The following MEAF6 variants were observed in gnomAD, a reference collection of about 807,000 sequenced individuals.
The protein encoded by MEAF6 is chromatin modification-related protein MEAF6.
Under a neutral mutation model 28.9 loss-of-function variants are expected in MEAF6, and 15 were observed. The ratio of observed to expected loss-of-function variants is 0.52; its 90% CI spans 0.35 to 0.80. MEAF6 has a LOEUF of 0.80. Ranked by LOEUF, MEAF6 falls within the 30% of genes least tolerant of loss-of-function variation. The pLI, the probability that MEAF6 is intolerant of heterozygous loss-of-function variation, is 0.01. For synonymous variants in MEAF6, 97 were observed against 88.7 expected (o/e 1.09, Z -0.53); for missense variants, 178 against 237.5 (o/e 0.75, Z 1.65).
At chr1:37,506,040 A>C (rs1441039503) in intron 4 of MEAF6, among the ~76,000 whole-genome samples, 1 of 152,250 alleles carries the variant, frequency 6.6e-6, no homozygotes, top group Non-Finnish European at 1.5e-5. Context: ...TGGGAGGCCA[A>C]GGTGGGCGGA....
rs1335516958 is a variant in MEAF6 at position 37,513,827 on chromosome 1, C to T, written c.91-289G>A. 10 of 496,518 alleles carry T rather than the reference C, an allele frequency of 2.0e-5. No individual in the cohort carries two copies. The South Asian group carries it at 2.1e-4, about 10-fold the overall frequency. 30.8% of individuals were successfully genotyped at this position (496,518 alleles called of 1,614,324 possible). Reference sequence around the variant, plus strand: ...ATTCACGGAAACCATGAGTCAAGAGCCCAGGCTAACGCAGAACTTGGGCGA... The same window carrying T: ...ATTCACGGAAACCATGAGTCAAGAGTCCAGGCTAACGCAGAACTTGGGCGA... On this transcript the variant is annotated intron_variant, in intron 1 of 6. Transcript: ENST00000296214.
chr1:37,491,008 C>G lies in MEAF6; in HGVS notation c.*3091G>C, dbSNP rs1353264712. On this transcript the variant is annotated 3_prime_UTR_variant, in exon 7 of 7. Transcript: ENST00000296214. ...TGCCACTGCACTCCAGCCTGGACGACAGAGCAAGACTCTGTCTCAAAAAAA... is the reference window on the plus strand; with the variant it reads ...TGCCACTGCACTCCAGCCTGGACGAGAGAGCAAGACTCTGTCTCAAAAAAA... Among the ~76,000 whole-genome samples the G allele has an allele frequency of 6.6e-6, 1 of 152,096 alleles. No individual in the cohort carries two copies. Among genetic ancestry groups the G allele is most frequent in the East Asian group, 1.9e-4 (1 of 5,198 alleles).
intron 5 of MEAF6, among the ~76,000 whole-genome samples, chr1:37,497,874 G>A (rs1642171655): frequency 6.6e-6 from 1 of 152,172 alleles, no homozygotes; most frequent in East Asian, 1.9e-4. Context: ...TTACAGGCAT[G>A]AGCCACTGCA....
chr1:37,514,628 G>A (rs1257320414), intron 1 of MEAF6, 29 bp downstream of exon 1: 1 of 1,475,468 alleles, frequency 6.8e-7, no homozygotes, highest in Non-Finnish European at 9.0e-7. Context: ...GGAGCCCCAT[G>A]CCGTGCAACC....
intron 4 of MEAF6, 85 bp from the exon 5 acceptor site, chr1:37,502,081 G>C: frequency 9.0e-7 from 1 of 1,112,260 alleles, no homozygotes; most frequent in Non-Finnish European, 1.3e-6. Flanking sequence ...CTAATAGGTA[G>C]AAAAAAACCA....
intron 4 of MEAF6, 42 bp downstream of exon 4, chr1:37,509,236 C>T (rs1642586570): frequency 6.4e-7 from 1 of 1,569,584 alleles, no homozygotes; most frequent in Non-Finnish European, 8.8e-7. Flanking sequence ...GTGATGGTAG[C>T]TTAAAAATAA....
chr1:37,506,201 G>T (rs953085437), intron 4 of MEAF6, among the ~76,000 whole-genome samples: 1 of 151,992 alleles, frequency 6.6e-6, no homozygotes, highest in African/African-American at 2.4e-5. Flanking sequence ...AACCCAGGAG[G>T]TGGAGGTTGT....
rs1359356550 is a variant in MEAF6, at chr1:37,501,803, C to T, written c.533+1G>A. 11 of 1,578,620 alleles carry T rather than the reference C, an allele frequency of 7.0e-6. No individual in the cohort carries two copies. The highest frequency in any genetic ancestry group is 3.5e-6 in the Non-Finnish European group (4 of 1,155,352). On this transcript the variant is annotated splice_donor_variant, in intron 5 of 6. Coordinates refer to ENST00000296214, the MANE Select transcript of MEAF6 (RefSeq NM_001270875.3). LOFTEE classifies it high-confidence loss of function. Reference sequence around the variant, plus strand: ...GCGGGGGTGGGATCCCTGCCACTGACCTGTGCCGGTTTTTATTCTTTCGCT... The same window carrying T: ...GCGGGGGTGGGATCCCTGCCACTGATCTGTGCCGGTTTTTATTCTTTCGCT...
Position 37,492,524 on chromosome 1 carries a change from A to G in MEAF6, c.*1575T>C, listed in dbSNP as rs1306865876. On this transcript the variant is annotated 3_prime_UTR_variant, in exon 7 of 7. Coordinates refer to ENST00000296214, the MANE Select transcript of MEAF6 (RefSeq NM_001270875.3). The stretch of plus-strand genomic sequence containing the variant: ...AAAATCCTGACACTGGAGTTCTGCT[A>G]CCAAAGACACAGTCAAAGATCTAAA... The G allele has an allele frequency of 1.4e-5, 2 of 143,642 alleles. No homozygotes were observed. Among genetic ancestry groups the G allele is most frequent in the African/African-American group, 5.1e-5 (2 of 39,092 alleles). The allele number at this position is 143,642 out of a possible 1,614,324, so 8.9% of individuals were successfully genotyped here. A position where few individuals can be genotyped will look rare whatever the true frequency, so the allele number is the denominator to read the frequency against.
intron 4 of MEAF6, among the ~76,000 whole-genome samples, chr1:37,503,342 A>G (rs909534805): frequency 5.9e-5 from 9 of 152,232 alleles, no homozygotes; most frequent in African/African-American, 1.7e-4. Flanking sequence ...AACAACTTGT[A>G]TAAACATATA....
At chr1:37,499,163 A>T (rs1254130231) in intron 5 of MEAF6, among the ~76,000 whole-genome samples, 5 of 152,052 alleles carry the variant, frequency 3.3e-5, no homozygotes, top group African/African-American at 4.8e-5. Context: ...GAAAAAAAAA[A>T]ATTTCATATT....
chr1:37,507,730 C>A (rs1642531947), intron 4 of MEAF6, among the ~76,000 whole-genome samples: 1 of 151,766 alleles, frequency 6.6e-6, no homozygotes, highest in Non-Finnish European at 1.5e-5. Flanking sequence ...CCTGTAATCC[C>A]AGCACTTTGG....
chr1:37,506,265 C>T (rs939812363), intron 4 of MEAF6, among the ~76,000 whole-genome samples: 9 of 143,058 alleles, frequency 6.3e-5, no homozygotes, highest in East Asian at 4.3e-4. Flanking sequence ...AGCGAGACTC[C>T]GTCTCAAAAA....
intron 1 of MEAF6, 118 bp from the exon 2 acceptor site, chr1:37,513,656 C>T (rs1344034333): frequency 3.8e-6 from 3 of 783,978 alleles, no homozygotes; most frequent in Non-Finnish European, 6.7e-6. Context: ...ACTAAACCAC[C>T]CTGTGGAGAG....
chr1:37,496,331 T>C (rs1197245188), intron 5 of MEAF6, among the ~76,000 whole-genome samples: 2 of 152,222 alleles, frequency 1.3e-5, no homozygotes, highest in Non-Finnish European at 2.9e-5. Context: ...TTTGTATTTC[T>C]GAACACGAAA....
intron 6 of MEAF6, among the ~76,000 whole-genome samples, chr1:37,495,253 C>T (rs748982380): frequency 9.3e-4 from 141 of 151,790 alleles, no homozygotes; most frequent in Non-Finnish European, 1.3e-3. Context: ...ATCACTTGAA[C>T]CTGGGAGGCG....
intron 4 of MEAF6, among the ~76,000 whole-genome samples, chr1:37,505,015 C>G (rs1642436781): frequency 6.6e-6 from 1 of 151,864 alleles, no homozygotes; most frequent in Non-Finnish European, 1.5e-5. Context: ...TCCCAAGTAA[C>G]TGGGATTACA....
chr1:37,494,634 C>A (rs1423038253), intron 6 of MEAF6, among the ~76,000 whole-genome samples: 1 of 151,760 alleles, frequency 6.6e-6, no homozygotes, highest in Non-Finnish European at 1.5e-5. Flanking sequence ...AGCTCGAGAC[C>A]AGCCTGGGTA....
At chr1:37,494,633 C>G (rs1174313181) in intron 6 of MEAF6, among the ~76,000 whole-genome samples, 2 of 151,698 alleles carry the variant, frequency 1.3e-5, no homozygotes, top group Non-Finnish European at 1.5e-5. Context: ...GAGCTCGAGA[C>G]CAGCCTGGGT....
Sources: gnomAD v4.1 joint callset for allele counts (sites outside exome capture counted in the v4.1 genomes callset) on GRCh38, gnomAD v4.1.1 for gene constraint, MANE v1.5 for transcripts, NCBI Gene and HGNC (gene_info 2026-07-23, HGNC 2026-07-21) for gene names.